The following DDX42 variants were observed in gnomAD, a reference collection of about 807,000 sequenced individuals.
DDX42 encodes the protein ATP-dependent RNA helicase DDX42.
A neutral mutation model predicts 101.5 loss-of-function variants in DDX42; 22 were observed. The ratio of observed to expected loss-of-function variants is 0.22; its 90% confidence interval spans 0.15 to 0.31. The LOEUF (loss-of-function observed/expected upper bound fraction) is 0.31, where lower values mean the gene tolerates loss of function less well. DDX42 is among the 10% of genes least tolerant of loss of function. DDX42 has a pLI of 1.00. For synonymous variants in DDX42, 402 were observed against 401.2 expected (o/e 1.00, Z -0.02); for missense variants, 849 against 1,199.9 (o/e 0.71, Z 4.32).
Position 63,798,233 on chromosome 17 carries a change from C to T in DDX42, c.434+134C>T, listed in dbSNP as rs111967757. The stretch of plus-strand genomic sequence containing the variant: ...ACTTTACTTGAAGTTATTCCTGTAT[C>T]TTGAATACTTTAAGAATAGAGATGG... On this transcript the variant is annotated intron_variant, in intron 4 of 17. Transcript: ENST00000389924. 2.3e-3 allele frequency: 1,658 copies of T among 719,372 alleles called. 18 individuals are homozygous for T. In the African/African-American group the frequency reaches 0.023, roughly 10 times the overall value. 44.6% of individuals were successfully genotyped at this position (719,372 alleles called of 1,614,324 possible). A position where few individuals can be genotyped will look rare whatever the true frequency, so the allele number is the denominator to read the frequency against.
rs567256569 is a variant in DDX42, at chr17:63,801,625, G to C, written c.621+1008G>C. ...GCTTACTGCAGCCTCTGCTTCCCAGGTTCATTTTTAGTAGAGATGGGATTT... is the reference window on the plus strand; with the variant it reads ...GCTTACTGCAGCCTCTGCTTCCCAGCTTCATTTTTAGTAGAGATGGGATTT... On this transcript the variant is annotated intron_variant, in intron 6 of 17. Transcript: ENST00000389924. 2.1e-4 allele frequency among the ~76,000 whole-genome samples: 32 copies of C among 150,878 alleles called. 1 individual carries two copies. The highest frequency in any genetic ancestry group is 2.0e-3 in the Admixed American group (30 of 15,148).
In DDX42 at chr17:63,788,683, G is replaced by C. The variant is rs569020512; in HGVS notation, c.221+1413G>C. Among the ~76,000 whole-genome samples, 399 of 152,208 alleles carry C rather than the reference G, an allele frequency of 2.6e-3. 2 individuals carry two copies. The highest frequency in any genetic ancestry group is 9.3e-3 in the African/African-American group (385 of 41,498). On this transcript the variant is annotated intron_variant, in intron 2 of 17. Transcript: ENST00000389924. ...AAAATCTACTCACATTTTTCCCATA[G>C]TTCTCATAATTGGTAAATGCTTTTT...
chr17:63,800,990 T>TTTC (rs2039760181), intron 6 of DDX42, among the ~76,000 whole-genome samples: 1 of 73,634 alleles, frequency 1.4e-5, no homozygotes, highest in Admixed American at 1.2e-4. Flanking sequence ...TCTCCCTTTC[T>TTTC]CTTTCCTTTT....
intron 1 of DDX42, among the ~76,000 whole-genome samples, chr17:63,775,423 A>G (rs1035600433): frequency 3.3e-5 from 5 of 152,294 alleles, no homozygotes; most frequent in East Asian, 1.9e-4. Flanking sequence ...AGATACATAT[A>G]TTATACTGAA....
At chr17:63,799,514 C>G in intron 4 of DDX42, 75 bp from the exon 5 acceptor site, 1 of 1,551,926 alleles carries the variant, frequency 6.4e-7, no homozygotes. Flanking sequence ...GAATTCAACA[C>G]TAATCTGCTG....
intron 14 of DDX42, among the ~76,000 whole-genome samples, chr17:63,812,483 T>C (rs916789272): frequency 6.6e-6 from 1 of 152,232 alleles, no homozygotes; most frequent in African/African-American, 2.4e-5. Flanking sequence ...CCTTATTGTA[T>C]GTCTGAATAT....
intron 7 of DDX42, chr17:63,805,957 G>A (rs1476348120): frequency 2.0e-5 from 3 of 152,266 alleles, no homozygotes; most frequent in Non-Finnish European, 4.4e-5. Flanking sequence ...CACTTTGGGG[G>A]ACAAAATGGA....
intron 1 of DDX42, among the ~76,000 whole-genome samples, chr17:63,780,025 G>A (rs1465427547): frequency 5.3e-5 from 8 of 152,178 alleles, no homozygotes; most frequent in African/African-American, 1.2e-4. Flanking sequence ...TGCCGGGCAC[G>A]GTGGCTCACG....
intron 10 of DDX42, 24 bp downstream of exon 10, chr17:63,808,972 G>A: frequency 6.2e-7 from 1 of 1,608,226 alleles, no homozygotes. Flanking sequence ...GTGTTTAAAT[G>A]GCTTCTCAGC....
rs905673342 is a variant in DDX42 at position 63,798,064 on chromosome 17, G to T, written c.399G>T (p.Arg133Ser). The change falls in exon 4 of 18, where the codon AGG becomes AGT. Residue 133 changes from arginine (R) to serine (S), a missense_variant. Physicochemically the swap from Arg to Ser is moderately radical, Grantham distance 110. Transcript: ENST00000389924. Reference sequence around the variant, plus strand: ...ATCAGGCAGCTAGAGACATGAAGAGGCTTGAAGAAAAGGACAAGGAAAGAA... The same window carrying T: ...ATCAGGCAGCTAGAGACATGAAGAGTCTTGAAGAAAAGGACAAGGAAAGAA... Reference protein sequence around the residue: ...VEDQAARDMKRLEEKDKERKN... With the variant: ...VEDQAARDMKSLEEKDKERKN... The T allele has an allele frequency of 3.1e-6, 5 of 1,613,418 alleles. No individual in the cohort carries two copies. The highest frequency in any genetic ancestry group is 2.5e-6 in the Non-Finnish European group (3 of 1,179,672).
chr17:63,788,276 T>A (rs550892158), intron 2 of DDX42, among the ~76,000 whole-genome samples: 4 of 151,068 alleles, frequency 2.6e-5, no homozygotes, highest in Non-Finnish European at 5.9e-5. Flanking sequence ...TTGTCAGAAC[T>A]GATGGAAATA....
At position 63,817,786 on chromosome 17, in the gene DDX42, G is replaced by T; in HGVS notation, c.2205G>T (p.Gly735=). Residue 735 remains glycine, a synonymous_variant, in exon 18 of 18, where the codon GGG becomes GGT. Transcript: ENST00000389924. ...GGGCAAGTGGGTGGACTAGTGCAGG[G>T]AGCTTGAATTCTGTTCCAACTAACT... ...AAGASGWTSA[G]SLNSVPTNSA... 6.2e-7 allele frequency: 1 copy of T among 1,614,202 alleles called. No homozygotes were observed. The highest frequency in any genetic ancestry group is 1.1e-5 in the South Asian group (1 of 91,080).
At chr17:63,809,066 G>A (rs2039878286) in intron 10 of DDX42, 118 bp downstream of exon 10, 4 of 1,394,422 alleles carry the variant, frequency 2.9e-6, no homozygotes, top group Middle Eastern at 2.1e-4. Context: ...ATATACTGAT[G>A]AACGGCAGGC....
chr17:63,783,454 T>A (rs568818519), intron 1 of DDX42, among the ~76,000 whole-genome samples: 1 of 152,340 alleles, frequency 6.6e-6, no homozygotes, highest in African/African-American at 2.4e-5. Context: ...GAGCCCATCC[T>A]TTTTGTTGCT....
intron 6 of DDX42, 80 bp from the exon 7 acceptor site, chr17:63,804,991 A>G: frequency 6.6e-7 from 1 of 1,509,198 alleles, no homozygotes; most frequent in Non-Finnish European, 8.8e-7. Context: ...AAAATTTGGA[A>G]AAGATTATTT....
At position 63,805,115 on chromosome 17, in the gene DDX42, A is replaced by G. The variant is rs945771197; in HGVS notation, c.666A>G (p.Glu222=). 1 of 1,613,210 alleles carries G rather than the reference A, an allele frequency of 6.2e-7. No homozygotes were observed. The highest frequency in any genetic ancestry group is 8.5e-7 in the Non-Finnish European group (1 of 1,179,860). ...AAAAAAACTTTTACAATGAGCATGA[A>G]GAGATAACCAACCTCACTCCACAGC... ...PFEKNFYNEH[E]EITNLTPQQL... The change falls in exon 7 of 18, where the codon GAA becomes GAG. Residue 222 remains glutamate, a synonymous_variant. Coordinates refer to ENST00000389924, the MANE Select transcript of DDX42 (RefSeq NM_203499.3).
At chr17:63,815,805 T>C (rs2039970283) in intron 16 of DDX42, 132 bp downstream of exon 16, 2 of 533,676 alleles carry the variant, frequency 3.7e-6, no homozygotes, top group South Asian at 3.0e-5. Context: ...TTGTATTTAA[T>C]CTGATTTGAG....
intron 1 of DDX42, among the ~76,000 whole-genome samples, chr17:63,778,955 A>G (rs1455690029): frequency 6.6e-6 from 1 of 151,906 alleles, no homozygotes; most frequent in Non-Finnish European, 1.5e-5. Context: ...GGAGATGGAA[A>G]GGCGGGTATA....
At chr17:63,785,463 CA>C (rs1293073295) in intron 1 of DDX42, among the ~76,000 whole-genome samples, 4 of 146,850 alleles carry the variant, frequency 2.7e-5, no homozygotes, top group East Asian at 4.1e-4. Flanking sequence ...AAACAAAAAA[CA>C]AAAAAATTTT....
Sources: gnomAD v4.1 joint callset for allele counts (sites outside exome capture counted in the v4.1 genomes callset) on GRCh38, gnomAD v4.1.1 for gene constraint, MANE v1.5 for transcripts, NCBI Gene and HGNC (gene_info 2026-07-23, HGNC 2026-07-21) for gene names.